The following PTPRD variants were observed in gnomAD, a reference collection of about 807,000 sequenced individuals.
PTPRD encodes the protein receptor-type tyrosine-protein phosphatase delta.
PTPRD carries 34 observed loss-of-function variants against 214.5 expected under a neutral mutation model. The observed-to-expected ratio is 0.16, with a 90% confidence interval of 0.12 to 0.21. PTPRD has a LOEUF of 0.21. Among genes scored for constraint, PTPRD ranks in the 10% least tolerant of loss-of-function variants. The probability of loss-of-function intolerance (pLI) is 1.00; values close to 1 mark genes in which losing one functional copy is unlikely to be tolerated. For missense variants in PTPRD, 2,545 were observed against 2,398.7 expected, an observed-to-expected ratio of 1.06 and a Z score of -1.27; for synonymous variants, 1,128 against 845.7, an observed-to-expected ratio of 1.33 and a Z score of -5.79.
At chr9:8,639,604 G>A (rs1377147064) in intron 12 of PTPRD, among the ~76,000 whole-genome samples, 1 of 152,160 alleles carries the variant, frequency 6.6e-6, no homozygotes, top group African/African-American at 2.4e-5. Context: ...CCTTTTCCCT[G>A]CATCTGGATA....
chr9:9,630,797 T>C (rs1247327634), intron 7 of PTPRD, among the ~76,000 whole-genome samples: 2 of 152,162 alleles, frequency 1.3e-5, no homozygotes, highest in Admixed American at 1.3e-4. Context: ...ACAAATAAGA[T>C]TGTAAACTTC....
chr9:9,305,761 G>C (rs1160788178), intron 9 of PTPRD, among the ~76,000 whole-genome samples: 5 of 152,104 alleles, frequency 3.3e-5, no homozygotes, highest in Admixed American at 6.6e-5. Flanking sequence ...ACACAAAAAA[G>C]ACATGGGGAA....
At chr9:8,735,549 G>C (rs2090067670) in intron 11 of PTPRD, among the ~76,000 whole-genome samples, 2 of 152,182 alleles carry the variant, frequency 1.3e-5, no homozygotes, top group Admixed American at 1.3e-4. Flanking sequence ...ACCACACTTT[G>C]AGAACCTTCT....
At chr9:8,485,395 C>T (rs1007493241) in intron 28 of PTPRD, 71 bp from the exon 29 acceptor site, 2 of 1,048,334 alleles carry the variant, frequency 1.9e-6, no homozygotes, top group East Asian at 2.5e-5. Context: ...CCACCATGGA[C>T]CATAGGGGCT....
chr9:8,470,690 C>T (rs188911320), intron 31 of PTPRD, among the ~76,000 whole-genome samples: 4 of 152,240 alleles, frequency 2.6e-5, no homozygotes, highest in Admixed American at 2.6e-4. Context: ...TCTTTGCTGA[C>T]AATTCACTTC....
At chr9:8,437,128 C>A in intron 34 of PTPRD, 1 of 1,067,308 alleles carries the variant, frequency 9.4e-7, no homozygotes, top group Non-Finnish European at 1.3e-6. Flanking sequence ...CTGAGAAAGG[C>A]CTAAAAGGGA....
chr9:8,627,752 AT>A (rs2096090804), intron 14 of PTPRD, among the ~76,000 whole-genome samples: 1 of 151,814 alleles, frequency 6.6e-6, no homozygotes, highest in African/African-American at 2.4e-5. Context: ...TTCAGTTTTA[AT>A]GTCTCCCCTT....
At chr9:8,923,092 A>G in intron 11 of PTPRD, among the ~76,000 whole-genome samples, 1 of 146,388 alleles carries the variant, frequency 6.8e-6, no homozygotes, top group African/African-American at 2.5e-5. Context: ...TCCAGGCTGG[A>G]GCGCAATGGT....
chr9:10,094,539 CTTT>C (rs5896370), intron 3 of PTPRD, among the ~76,000 whole-genome samples: 1 of 121,148 alleles, frequency 8.3e-6, no homozygotes, highest in South Asian at 2.5e-4. Flanking sequence ...TTCTTTCTTT[CTTT>C]TTTTTTTTTT....
At chr9:9,305,641 T>C (rs780011461) in intron 9 of PTPRD, among the ~76,000 whole-genome samples, 2 of 152,148 alleles carry the variant, frequency 1.3e-5, no homozygotes, top group African/African-American at 2.4e-5. Context: ...AATGGAGTCA[T>C]TGGAGATGTA....
Position 10,470,255 on chromosome 9 carries a change from C to A in PTPRD, c.-599-129238G>T, listed in dbSNP as rs1339256028. ...ATAAATATGTACAACTATTAGGTAT[C>A]CATAAAAAAATTAAAAACAAAAATA... is the stretch of plus-strand genomic sequence containing the variant. On this transcript the variant is annotated intron_variant, in intron 2 of 45. Transcript: ENST00000381196. Among the ~76,000 whole-genome samples the A allele has an allele frequency of 2.0e-5, 3 of 151,542 alleles. No individual in the cohort carries two copies. In the South Asian group the frequency reaches 6.3e-4, roughly 32 times the overall value.
intron 36 of PTPRD, among the ~76,000 whole-genome samples, chr9:8,391,176 G>A (rs1049052565): frequency 5.3e-5 from 8 of 151,928 alleles, no homozygotes; most frequent in African/African-American, 1.9e-4. Flanking sequence ...ATGTTCCCAA[G>A]CTCAAATTGT....
chr9:8,849,095 G>C lies in PTPRD; in HGVS notation c.-103-115149C>G, dbSNP rs140134269. On this transcript the variant is annotated intron_variant, in intron 11 of 45. Transcript: ENST00000381196. The stretch of plus-strand genomic sequence containing the variant: ...TAATTTTTACCTATCTCAGGGTCCT[G>C]AGCATTGTGAGAGGTTTCTAATGAA... 3.3e-5 allele frequency among the ~76,000 whole-genome samples: 5 copies of C among 151,576 alleles called. No homozygotes were observed. The East Asian group carries it at 9.7e-4, about 30-fold the overall frequency.
intron 3 of PTPRD, among the ~76,000 whole-genome samples, chr9:10,188,754 C>A (rs1406210818): frequency 6.6e-6 from 1 of 152,038 alleles, no homozygotes; most frequent in Admixed American, 6.6e-5. Context: ...TCACCAGAAG[C>A]AAATAGGTTG....
intron 14 of PTPRD, among the ~76,000 whole-genome samples, chr9:8,613,089 T>A (rs893059946): frequency 6.6e-6 from 1 of 152,242 alleles, no homozygotes; most frequent in Non-Finnish European, 1.5e-5. Flanking sequence ...AAAAGACTTA[T>A]ATTTTACTTA....
chr9:9,818,524 G>A (rs2049532332), intron 5 of PTPRD, among the ~76,000 whole-genome samples: 1 of 152,210 alleles, frequency 6.6e-6, no homozygotes, highest in South Asian at 2.1e-4. Flanking sequence ...AATGTAGGTA[G>A]GGAAGGACAG....
intron 5 of PTPRD, among the ~76,000 whole-genome samples, chr9:9,856,965 C>G (rs1235469793): frequency 6.6e-6 from 1 of 152,130 alleles, no homozygotes; most frequent in African/African-American, 2.4e-5. Context: ...AGTGGTTATT[C>G]TTAATGGACC....
chr9:9,788,652 T>G (rs944725317), intron 5 of PTPRD, among the ~76,000 whole-genome samples: 1 of 151,914 alleles, frequency 6.6e-6, no homozygotes. Flanking sequence ...TATATAATAT[T>G]AATCTGATAC....
intron 11 of PTPRD, among the ~76,000 whole-genome samples, chr9:8,810,828 G>C (rs1043272075): frequency 6.6e-6 from 1 of 152,172 alleles, no homozygotes; most frequent in African/African-American, 2.4e-5. Context: ...TGGGGTCTTC[G>C]TGAGGTCTCA....
Sources: allele counts gnomAD v4.1 joint callset (sites outside exome capture counted in the v4.1 genomes callset), GRCh38; gene constraint gnomAD v4.1.1; transcripts MANE v1.5; gene names NCBI Gene and HGNC (gene_info 2026-07-23, HGNC 2026-07-21).